Variants in TBC1D9B observed in about 807,000 individuals in gnomAD.
The protein encoded by TBC1D9B is TBC1 domain family, member 9B (with GRAM domain).
In TBC1D9B, 87 loss-of-function variants were observed where a neutral mutation model predicts 121.1. The observed-to-expected ratio is 0.72, with a 90% confidence interval of 0.60 to 0.86. The LOEUF (loss-of-function observed/expected upper bound fraction) is 0.86, where lower values mean the gene tolerates loss of function less well. TBC1D9B is among the 40% of genes least tolerant of loss of function. TBC1D9B has a pLI of 0.00. For missense variants in TBC1D9B, 1,540 were observed against 1,628.6 expected (o/e 0.95, Z 0.94); for synonymous variants, 668 against 670.1 (o/e 1.00, Z 0.05).
chr5:179,877,901 G>A (rs748710447), intron 10 of TBC1D9B, among the ~76,000 whole-genome samples: 1 of 152,122 alleles, frequency 6.6e-6, no homozygotes, highest in African/African-American at 2.4e-5. Context: ...AATGGTGATC[G>A]GGGCATGTTT....
intron 16 of TBC1D9B, 133 bp downstream of exon 16, chr5:179,870,122 G>T: frequency 6.9e-7 from 1 of 1,444,546 alleles, no homozygotes; most frequent in South Asian, 1.3e-5. Context: ...TGTTCTTCCC[G>T]TATCTAGGGC....
At position 179,907,696 on chromosome 5, in the gene TBC1D9B, C is replaced by T. The variant is rs1761364041; in HGVS notation, c.118+8G>A. On this transcript the variant is annotated splice_region_variant and intron_variant, in intron 1 of 20. Coordinates refer to ENST00000355235, the MANE Select transcript of TBC1D9B (RefSeq NM_015043.4). This position sits in a 1 kb window ranked among gnomAD's most constrained non-coding sequence, Gnocchi z 5.3. ...GCCCACAGGCCCGGCCGCCCGCGCG[C>T]CTCTCACCCGTAAGGCCGCCGCCCC... The T allele has an allele frequency of 8.8e-7, 1 of 1,135,472 alleles. No homozygotes were observed. The highest frequency in any genetic ancestry group is 1.1e-6 in the Non-Finnish European group (1 of 906,126). 70.3% of individuals were successfully genotyped at this position (1,135,472 alleles called of 1,614,324 possible). A position where few individuals can be genotyped will look rare whatever the true frequency, so the allele number is the denominator to read the frequency against.
intron 2 of TBC1D9B, among the ~76,000 whole-genome samples, chr5:179,903,999 C>A (rs1265920011): frequency 3.3e-5 from 5 of 152,178 alleles, no homozygotes; most frequent in African/African-American, 7.2e-5. Flanking sequence ...CAAATGACCA[C>A]AAAATCGCTG....
intron 2 of TBC1D9B, among the ~76,000 whole-genome samples, chr5:179,903,567 C>T (rs1761222095): frequency 6.6e-6 from 1 of 152,222 alleles, no homozygotes; most frequent in Non-Finnish European, 1.5e-5. Context: ...CCTCTAATCA[C>T]ACTTCTGTCG....
Position 179,891,576 on chromosome 5 carries a change from C to A in TBC1D9B, c.847G>T (p.Ala283Ser). The stretch of plus-strand genomic sequence containing the variant: ...CGGTAGCACTCATTCTTGGCTCGGG[C>A]GTCCAGGTCTCTGGGGAAACAAGGT... ...NISALKRDLD[A>S]RAKNECYRAT... The change falls in exon 6 of 21, where the codon GCC becomes TCC. Residue 283 changes from alanine (A) to serine (S), a missense_variant. By Grantham distance (99) the Ala-to-Ser change is moderately conservative. Transcript: ENST00000355235. This position sits in a 1 kb window ranked among gnomAD's most constrained non-coding sequence, Gnocchi z 4.3. The A allele has an allele frequency of 6.2e-7, 1 of 1,612,876 alleles. No homozygotes were observed.
rs897670152 is a variant in TBC1D9B, at chr5:179,867,311, G to T, written c.2863+467C>A. On this transcript the variant is annotated intron_variant, in intron 18 of 20. Coordinates refer to ENST00000355235, the MANE Select transcript of TBC1D9B (RefSeq NM_015043.4). ...GTGCAGAGGAGTGGCTTGCTTCTGG[G>T]TCCTTCTCAGAACTTATGCCCCAGA... The T allele has an allele frequency of 2.9e-6, 3 of 1,039,120 alleles. No individual in the cohort carries two copies. In the African/African-American group the frequency reaches 4.9e-5, roughly 17 times the overall value. 64.4% of individuals were successfully genotyped at this position (1,039,120 alleles called of 1,614,324 possible). A position where few individuals can be genotyped will look rare whatever the true frequency, so the allele number is the denominator to read the frequency against.
intron 12 of TBC1D9B, among the ~76,000 whole-genome samples, chr5:179,873,793 G>A (rs1385858562): frequency 1.3e-5 from 2 of 152,172 alleles, no homozygotes; most frequent in Non-Finnish European, 1.5e-5. Context: ...TCCCTGGGCT[G>A]AGCCTGACAC....
chr5:179,878,914 C>T, intron 9 of TBC1D9B, 133 bp downstream of exon 9: 1 of 1,297,338 alleles, frequency 7.7e-7, no homozygotes, highest in Non-Finnish European at 1.0e-6. Flanking sequence ...GAGCCCGGCT[C>T]CCGGCTGTGT....
chr5:179,906,505 T>A (rs1761320067), intron 1 of TBC1D9B, among the ~76,000 whole-genome samples: 1 of 151,070 alleles, frequency 6.6e-6, no homozygotes. Flanking sequence ...ACTGGCGCGC[T>A]GATGACACCC....
At chr5:179,905,473 A>T (rs944192859) in intron 1 of TBC1D9B, among the ~76,000 whole-genome samples, 16 of 152,234 alleles carry the variant, frequency 1.1e-4, no homozygotes, top group Non-Finnish European at 1.9e-4. Context: ...CGATCTTTAG[A>T]ATTGTCAAAT....
At chr5:179,868,782 T>C (rs1223940943) in intron 17 of TBC1D9B, 1 of 152,636 alleles carries the variant, frequency 6.6e-6, no homozygotes, top group East Asian at 1.9e-4. Flanking sequence ...GTAGCGGGCA[T>C]GGGCCACAAG....
At chr5:179,900,877 C>T (rs893972079) in intron 2 of TBC1D9B, among the ~76,000 whole-genome samples, 2 of 152,164 alleles carry the variant, frequency 1.3e-5, no homozygotes, top group African/African-American at 2.4e-5. Context: ...TCTGCTGGCA[C>T]GCCTGCCCCG....
intron 3 of TBC1D9B, among the ~76,000 whole-genome samples, chr5:179,897,005 C>T (rs867077821): frequency 1.8e-4 from 28 of 152,200 alleles, no homozygotes; most frequent in Admixed American, 5.2e-4. Flanking sequence ...CTCCCAGGTT[C>T]ATGCCATTCT....
intron 1 of TBC1D9B, among the ~76,000 whole-genome samples, chr5:179,906,159 C>T (rs759541974): frequency 7.2e-5 from 11 of 152,190 alleles, no homozygotes; most frequent in Non-Finnish European, 7.3e-5. Context: ...TTGGATAAAA[C>T]CACATCCCTG....
Position 179,875,993 on chromosome 5 carries a change from C to G in TBC1D9B, c.1827G>C (p.Glu609Asp). The change falls in exon 11 of 21, where the codon GAG (glutamate) becomes GAC (aspartate). Residue 609 changes from glutamate (E) to aspartate (D), a missense_variant. Glu to Asp is a conservative substitution (Grantham distance 45). Transcript: ENST00000355235. The surrounding 1 kb of genome is among the most constrained non-coding windows in gnomAD (Gnocchi z 4.5). ...CCACCAGGAGCCAGAAGGCCTCCTC[C>G]TCACTGCCATAGAGCAGGAGCACCG... is the stretch of plus-strand genomic sequence containing the variant. ...VTSVLLLYGS[E>D]EEAFWLLVAL... 6.2e-7 allele frequency: 1 copy of G among 1,612,660 alleles called. No individual in the cohort carries two copies. The highest frequency in any genetic ancestry group is 8.5e-7 in the Non-Finnish European group (1 of 1,179,538).
chr5:179,893,209 C>T lies in TBC1D9B; in HGVS notation c.836G>A (p.Arg279Gln), dbSNP rs762458678. ...RPHRNISALK[R>Q]DLDARAKNEC... ...ACCCCAGCCCTGGAGGGCAACGCAC[C>T]GCTTCAGGGCTGAGATGTTCCTGTG... is the stretch of plus-strand genomic sequence containing the variant. The change falls in exon 5 of 21, where the codon CGA (arginine) becomes CAA (glutamine). Residue 279 changes from arginine to glutamine, a missense_variant and splice_region_variant. Transcript: ENST00000355235. 1.6e-5 allele frequency: 25 copies of T among 1,601,196 alleles called. No homozygotes were observed. Among genetic ancestry groups the T allele is most frequent in the Admixed American group, 5.0e-5 (3 of 59,460 alleles).
chr5:179,864,193 A>G (rs1294236683), intron 20 of TBC1D9B, 65 bp from the exon 21 acceptor site: 32 of 1,456,574 alleles, frequency 2.2e-5, no homozygotes, highest in Non-Finnish European at 2.8e-5. Flanking sequence ...GGTCCATATT[A>G]GCCAAACTGA....
chr5:179,903,166 T>C (rs991918699), intron 2 of TBC1D9B, among the ~76,000 whole-genome samples: 1 of 152,230 alleles, frequency 6.6e-6, no homozygotes, highest in Non-Finnish European at 1.5e-5. Flanking sequence ...AGAGAGGTAC[T>C]GAGAGGGTCC....
chr5:179,877,664 C>CAAAA (rs564753950), intron 10 of TBC1D9B, among the ~76,000 whole-genome samples: 12 of 66,636 alleles, frequency 1.8e-4, no homozygotes, highest in East Asian at 5.3e-4. Context: ...GATTCTATCT[C>CAAAA]AAAAAAAAAA....
Sources: gnomAD v4.1 joint callset for allele counts (sites outside exome capture counted in the v4.1 genomes callset) on GRCh38, gnomAD v4.1.1 for gene constraint, Gnocchi (gnomAD v3.1) non-coding constraint, MANE v1.5 for transcripts, NCBI Gene and HGNC (gene_info 2026-07-23, HGNC 2026-07-21) for gene names.